Variants in LNX1 observed in about 807,000 individuals in gnomAD.
The protein encoded by LNX1 is E3 ubiquitin-protein ligase LNX.
A neutral mutation model predicts 68.4 loss-of-function variants in LNX1; 54 were observed. The ratio of observed to expected loss-of-function variants is 0.79; its 90% CI spans 0.63 to 0.99. The LOEUF (loss-of-function observed/expected upper bound fraction) is 0.99, where lower values mean the gene tolerates loss of function less well. Ranked by LOEUF, LNX1 falls within the 50% of genes least tolerant of loss-of-function variation. LNX1 has a pLI of 0.00. For synonymous variants in LNX1, 336 were observed against 350.0 expected, an observed-to-expected ratio of 0.96 and a Z score of 0.45; for missense variants, 906 against 926.4, an observed-to-expected ratio of 0.98 and a Z score of 0.29.
At chr4:53,542,006 T>C (rs1194596527) in intron 2 of LNX1, among the ~76,000 whole-genome samples, 11 of 152,200 alleles carry the variant, frequency 7.2e-5, no homozygotes, top group Admixed American at 2.0e-4. Flanking sequence ...ATTTGACTAA[T>C]ATGCTTACTG....
chr4:53,514,432 A>G (rs1266462192), intron 2 of LNX1, among the ~76,000 whole-genome samples: 3 of 152,220 alleles, frequency 2.0e-5, no homozygotes, highest in Admixed American at 1.3e-4. Flanking sequence ...AGGCCTCACA[A>G]TCATGGCAGA....
chr4:53,500,673 A>T (rs1725410206), intron 4 of LNX1, among the ~76,000 whole-genome samples: 1 of 152,232 alleles, frequency 6.6e-6, no homozygotes, highest in Non-Finnish European at 1.5e-5. Context: ...CTTAATCTCT[A>T]TACTGATTGA....
At chr4:53,563,070 G>A (rs1448766424) in intron 2 of LNX1, among the ~76,000 whole-genome samples, 1 of 152,160 alleles carries the variant, frequency 6.6e-6, no homozygotes, top group African/African-American at 2.4e-5. Flanking sequence ...GCCGGGCATG[G>A]TGGTGGGCAC....
upstream of LNX1, among the ~76,000 whole-genome samples, chr4:53,592,322 T>C (rs1351903128): frequency 6.6e-6 from 1 of 152,204 alleles, no homozygotes; most frequent in East Asian, 1.9e-4. Context: ...AAGCGTGGTG[T>C]GTGACCCTGG....
At chr4:53,536,235 C>A (rs950788754) in intron 2 of LNX1, among the ~76,000 whole-genome samples, 1 of 152,184 alleles carries the variant, frequency 6.6e-6, no homozygotes, top group African/African-American at 2.4e-5. Flanking sequence ...TCAGGTCAGT[C>A]TCTTAGTGGA....
Position 53,507,359 on chromosome 4 carries a change from C to A in LNX1, c.733G>T (p.Asp245Tyr). Residue 245 changes from aspartate (D) to tyrosine (Y), a missense_variant, in exon 4 of 11, where the codon GAC (aspartate) becomes TAC (tyrosine). Coordinates refer to ENST00000263925, the MANE Select transcript of LNX1 (RefSeq NM_001126328.3). The part of the protein sequence containing the change: ...KSGSAVANHA[D>Y]QGRENSENTT... ...TTTTCAGAATTTTCCCTGCCCTGGT[C>A]GGCATGGTTGGCAACTGCACTCCCG... The A allele has an allele frequency of 6.2e-7, 1 of 1,614,108 alleles. No homozygotes were observed. The highest frequency in any genetic ancestry group is 8.5e-7 in the Non-Finnish European group (1 of 1,180,022).
At chr4:53,537,313 T>G (rs1205832313) in intron 2 of LNX1, among the ~76,000 whole-genome samples, 1 of 152,234 alleles carries the variant, frequency 6.6e-6, no homozygotes, top group Non-Finnish European at 1.5e-5. Flanking sequence ...TGAAGTCCTA[T>G]GTGTGCAATA....
intron 9 of LNX1, among the ~76,000 whole-genome samples, chr4:53,473,127 A>G (rs538200423): frequency 2.6e-5 from 4 of 152,214 alleles, no homozygotes; most frequent in Non-Finnish European, 5.9e-5. Context: ...AACCAACCAT[A>G]TTACTATGAA....
intron 2 of LNX1, among the ~76,000 whole-genome samples, chr4:53,520,543 C>T (rs545503554): frequency 1.3e-4 from 20 of 152,108 alleles, no homozygotes; most frequent in Non-Finnish European, 2.5e-4. Flanking sequence ...AATTTCCATG[C>T]GACAGATGAT....
intron 2 of LNX1, among the ~76,000 whole-genome samples, chr4:53,537,485 G>C (rs1033170267): frequency 4.6e-5 from 7 of 152,180 alleles, no homozygotes; most frequent in African/African-American, 1.7e-4. Flanking sequence ...ACATTGATTA[G>C]CTTTATTCCT....
At chr4:53,496,425 G>C (rs761809402) in intron 5 of LNX1, 31 bp from the exon 6 acceptor site, 6 of 1,517,530 alleles carry the variant, frequency 4.0e-6, no homozygotes, top group African/African-American at 1.4e-5. Context: ...CGTGCGGTCA[G>C]CTCCACCTGC....
intron 2 of LNX1, among the ~76,000 whole-genome samples, chr4:53,562,308 A>T (rs1730347671): frequency 6.6e-6 from 1 of 152,146 alleles, no homozygotes; most frequent in South Asian, 2.1e-4. Flanking sequence ...CTGCCATTCA[A>T]CTCAATAAGT....
intron 6 of LNX1, among the ~76,000 whole-genome samples, chr4:53,489,291 A>G (rs972795121): frequency 2.0e-5 from 3 of 152,120 alleles, no homozygotes; most frequent in Non-Finnish European, 4.4e-5. Context: ...TAGGGCAGCA[A>G]TATGGTTTAT....
chr4:53,479,327 A>C (rs1338177252), intron 7 of LNX1, among the ~76,000 whole-genome samples: 1 of 152,264 alleles, frequency 6.6e-6, no homozygotes, highest in African/African-American at 2.4e-5. Context: ...TATGTTAAAA[A>C]AAAGTAACCA....
intron 9 of LNX1, among the ~76,000 whole-genome samples, chr4:53,463,145 G>A (rs1461191584): frequency 6.6e-6 from 1 of 152,010 alleles, no homozygotes; most frequent in Non-Finnish European, 1.5e-5. Flanking sequence ...TATTTCATAT[G>A]GAGAAGCTGT....
At chr4:53,578,467 A>G (rs1222306780) in intron 1 of LNX1, among the ~76,000 whole-genome samples, 1 of 152,246 alleles carries the variant, frequency 6.6e-6, no homozygotes, top group African/African-American at 2.4e-5. Context: ...AAGTATTTAT[A>G]TATCTAAACA....
At chr4:53,549,146 A>G (rs1338031456) in intron 2 of LNX1, among the ~76,000 whole-genome samples, 1 of 152,162 alleles carries the variant, frequency 6.6e-6, no homozygotes, top group Admixed American at 6.6e-5. Context: ...AAACCTTGAC[A>G]TGTACCCCCC....
chr4:53,494,079 C>T (rs1388560010), intron 6 of LNX1, among the ~76,000 whole-genome samples: 2 of 152,118 alleles, frequency 1.3e-5, no homozygotes, highest in Non-Finnish European at 1.5e-5. Context: ...TTGGCTGTGT[C>T]CCCACCCAAA....
At chr4:53,548,180 C>A (rs1729242733) in intron 2 of LNX1, among the ~76,000 whole-genome samples, 1 of 151,770 alleles carries the variant, frequency 6.6e-6, no homozygotes, top group African/African-American at 2.4e-5. Flanking sequence ...GCTTCCTTGG[C>A]CTGCCAAGTT....
Sources: allele counts gnomAD v4.1 joint callset (sites outside exome capture counted in the v4.1 genomes callset), GRCh38; gene constraint gnomAD v4.1.1; transcripts MANE v1.5; gene names NCBI Gene and HGNC (gene_info 2026-07-23, HGNC 2026-07-21).